The following DACH2 variants were observed in gnomAD, a reference collection of about 807,000 sequenced individuals.
DACH2 encodes the protein dachshund family transcription factor 2, also known as dachshund homolog 2.
A neutral mutation model predicts 35.8 loss-of-function variants in DACH2; 17 were observed. The ratio of observed to expected loss-of-function variants is 0.48; its 90% CI spans 0.33 to 0.71. DACH2 has a LOEUF of 0.71. DACH2 is among the 30% of genes least tolerant of loss of function. DACH2 has a pLI of 0.02. For synonymous variants in DACH2, 195 were observed against 177.3 expected (o/e 1.10, Z -0.79); for missense variants, 469 against 472.7 (o/e 0.99, Z 0.07).
intron 2 of DACH2, among the ~76,000 whole-genome samples, chrX:86,471,604 G>A (rs1307312302): frequency 9.0e-6 from 1 of 111,241 alleles, no homozygotes; most frequent in Non-Finnish European, 1.9e-5. Context: ...CAAAAGATAT[G>A]GGGGTGCAGT....
chrX:86,329,284 A>G (rs370073976), intron 1 of DACH2, among the ~76,000 whole-genome samples: 145 of 111,916 alleles, frequency 1.3e-3, no homozygotes, highest in African/African-American at 4.2e-3. Flanking sequence ...GGGGGAAAAA[A>G]AAATGAGCTA....
chrX:86,517,456 G>A (rs1312124081), intron 3 of DACH2, among the ~76,000 whole-genome samples: 10 of 97,704 alleles, frequency 1.0e-4, no homozygotes, highest in Admixed American at 3.5e-4. Flanking sequence ...TTGTTCTGTC[G>A]CCCAGGCTGG....
At chrX:86,267,733 G>A (rs941700181) in intron 1 of DACH2, among the ~76,000 whole-genome samples, 5 of 112,120 alleles carry the variant, frequency 4.5e-5, no homozygotes, top group African/African-American at 1.6e-4. Flanking sequence ...TCACAGTAAT[G>A]TGACAAATAG....
At chrX:86,302,948 A>G (rs750761353) in intron 1 of DACH2, among the ~76,000 whole-genome samples, 1 of 108,469 alleles carries the variant, frequency 9.2e-6, no homozygotes, top group East Asian at 2.9e-4. Flanking sequence ...AGAAGATAGC[A>G]ATGCTAACAC....
intron 1 of DACH2, among the ~76,000 whole-genome samples, chrX:86,241,697 C>A (rs61464640): frequency 0.02 from 2,268 of 112,432 alleles, 62 homozygotes; most frequent in African/African-American, 0.067. Flanking sequence ...ACTGTCACAG[C>A]AGCCCCTCCC....
intron 1 of DACH2, among the ~76,000 whole-genome samples, chrX:86,153,493 G>A (rs1464874982): frequency 9.0e-6 from 1 of 111,295 alleles, no homozygotes; most frequent in Non-Finnish European, 1.9e-5. Context: ...AATTTACTTT[G>A]AAAATTTATG....
At chrX:86,294,813 G>T (rs1317609698) in intron 1 of DACH2, among the ~76,000 whole-genome samples, 1 of 108,642 alleles carries the variant, frequency 9.2e-6, no homozygotes, top group Non-Finnish European at 1.9e-5. Context: ...GAGAACCACT[G>T]CTCTCTTCAA....
intron 2 of DACH2, among the ~76,000 whole-genome samples, chrX:86,477,513 G>T (rs894159208): frequency 1.2e-4 from 13 of 107,737 alleles, no homozygotes; most frequent in African/African-American, 4.0e-4. Context: ...TTTATTGGCA[G>T]GGATTATATT....
At chrX:86,501,736 A>G (rs1172964516) in intron 2 of DACH2, among the ~76,000 whole-genome samples, 6 of 111,601 alleles carry the variant, frequency 5.4e-5, no homozygotes, top group Admixed American at 9.6e-5. Flanking sequence ...AACATTTTTT[A>G]GTTTTTATAT....
chrX:86,614,848 T>C lies in DACH2; in HGVS notation c.641-36188T>C, dbSNP rs1409150404. ...ATCCCAAAAGGCATTTTAGGATGGT[T>C]GAATGTAAATAAGGAAAAATTATAG... On this transcript the variant is annotated intron_variant, in intron 3 of 11. Coordinates refer to ENST00000373125, the MANE Select transcript of DACH2 (RefSeq NM_053281.3). Among the ~76,000 whole-genome samples the C allele has an allele frequency of 2.7e-5, 3 of 111,822 alleles. No individual in the cohort carries two copies. The Admixed American group carries it at 2.9e-4, about 11-fold the overall frequency.
intron 5 of DACH2, among the ~76,000 whole-genome samples, chrX:86,703,744 A>G (rs1244791059): frequency 9.0e-6 from 1 of 111,713 alleles, no homozygotes; most frequent in Non-Finnish European, 1.9e-5. Flanking sequence ...CTAGGAATAC[A>G]TCTAACCAAT....
chrX:86,169,812 G>T (rs1241051438), intron 1 of DACH2, among the ~76,000 whole-genome samples: 1 of 110,960 alleles, frequency 9.0e-6, no homozygotes, highest in Non-Finnish European at 1.9e-5. Flanking sequence ...CTATGTTAAT[G>T]GTCACATACC....
intron 1 of DACH2, among the ~76,000 whole-genome samples, chrX:86,284,944 G>A (rs1048356507): frequency 9.0e-6 from 1 of 111,099 alleles, no homozygotes; most frequent in Non-Finnish European, 1.9e-5. Flanking sequence ...GATCACAGTA[G>A]CCACTAATGA....
chrX:86,569,546 G>A (rs370100709), intron 3 of DACH2, among the ~76,000 whole-genome samples: 11 of 111,192 alleles, frequency 9.9e-5, no homozygotes, highest in East Asian at 5.7e-4. Context: ...GGGTCCCTAC[G>A]TGTCCAAAAT....
chrX:86,253,278 G>A (rs148278364), intron 1 of DACH2, among the ~76,000 whole-genome samples: 3,425 of 111,209 alleles, frequency 0.031, 131 homozygotes, highest in African/African-American at 0.1. Flanking sequence ...AATCATAGAC[G>A]ACACAAACAA....
intron 7 of DACH2, among the ~76,000 whole-genome samples, chrX:86,749,287 C>A (rs7886170): frequency 0.16 from 17,913 of 111,495 alleles, 1,287 homozygotes; most frequent in Admixed American, 0.35. Context: ...GTGCAAGAGG[C>A]CTAGCTTTCA....
chrX:86,647,319 T>C (rs2040427094), intron 3 of DACH2, among the ~76,000 whole-genome samples: 1 of 110,937 alleles, frequency 9.0e-6, no homozygotes, highest in African/African-American at 3.3e-5. Context: ...TATTTATATA[T>C]TATATACAAT....
At chrX:86,296,142 G>A (rs2034449015) in intron 1 of DACH2, among the ~76,000 whole-genome samples, 2 of 108,506 alleles carry the variant, frequency 1.8e-5, no homozygotes, top group South Asian at 8.0e-4. Flanking sequence ...CACTTTGGGA[G>A]GCCGAGGCGG....
intron 2 of DACH2, among the ~76,000 whole-genome samples, chrX:86,479,682 C>T (rs1196635423): frequency 8.9e-6 from 1 of 111,743 alleles, no homozygotes; most frequent in Non-Finnish European, 1.9e-5. Context: ...CTTTTGTCTC[C>T]TGTAACTATG....
Sources: allele counts gnomAD v4.1 joint callset (sites outside exome capture counted in the v4.1 genomes callset), GRCh38; gene constraint gnomAD v4.1.1; transcripts MANE v1.5; gene names NCBI Gene and HGNC (gene_info 2026-07-23, HGNC 2026-07-21).